Variants in USP48 observed in about 807,000 individuals in gnomAD.
USP48 encodes ubiquitin carboxyl-terminal hydrolase 48.
Under a neutral mutation model 150.7 loss-of-function variants are expected in USP48, and 43 were observed. The observed-to-expected ratio is 0.29, with a 90% CI of 0.22 to 0.37. The LOEUF is 0.37. Ranked by LOEUF, USP48 falls within the 10% of genes least tolerant of loss-of-function variation. USP48 has a pLI of 1.00. For synonymous variants in USP48, 396 were observed against 425.9 expected (o/e 0.93, Z 0.86); for missense variants, 813 against 1,249.6 (o/e 0.65, Z 5.27).
chr1:21,733,119 A>C (rs138112181), intron 9 of USP48, among the ~76,000 whole-genome samples: 63 of 152,264 alleles, frequency 4.1e-4, no homozygotes, highest in African/African-American at 1.5e-3. Context: ...TCCATTCCTA[A>C]TTAAGAGTAC....
intron 11 of USP48, among the ~76,000 whole-genome samples, chr1:21,725,523 G>A (rs747908230): frequency 1.3e-5 from 2 of 152,058 alleles, no homozygotes; most frequent in African/African-American, 2.4e-5. Flanking sequence ...AGGCCGAGGC[G>A]GGCAGATCAC....
intron 17 of USP48, 71 bp from the exon 18 acceptor site, chr1:21,706,258 ACTTT>A: frequency 6.4e-7 from 1 of 1,556,936 alleles, no homozygotes; most frequent in Non-Finnish European, 8.8e-7. Flanking sequence ...CTTATAATAT[ACTTT>A]GGTTGTCCTT....
chr1:21,712,630 T>C, intron 15 of USP48, among the ~76,000 whole-genome samples: 1 of 77,262 alleles, frequency 1.3e-5, no homozygotes, highest in Non-Finnish European at 3.9e-5. Context: ...AAACTATCCT[T>C]TTTTTTTTTT....
At chr1:21,720,912 A>C (rs2097718798) in intron 14 of USP48, 124 bp downstream of exon 14, 1 of 1,294,626 alleles carries the variant, frequency 7.7e-7, no homozygotes, top group African/African-American at 1.5e-5. Context: ...CGCTGGGCTC[A>C]AGTGATCTGC....
intron 11 of USP48, chr1:21,728,177 T>C (rs1349920922): frequency 7.0e-6 from 7 of 993,312 alleles, no homozygotes; most frequent in Non-Finnish European, 8.4e-6. Flanking sequence ...ATTCATATAA[T>C]AGAATGTCTG....
chr1:21,776,592 CAAAAAAAAAA>C (rs59309344), intron 1 of USP48, among the ~76,000 whole-genome samples: 1,176 of 58,064 alleles, frequency 0.02, 32 homozygotes, highest in African/African-American at 0.076. Flanking sequence ...TGTCTTGTCT[CAAAAAAAAAA>C]AAAAAAAAAA....
chr1:21,743,393 T>C (rs2097786570), intron 8 of USP48, among the ~76,000 whole-genome samples: 1 of 152,172 alleles, frequency 6.6e-6, no homozygotes, highest in Non-Finnish European at 1.5e-5. Flanking sequence ...GAACAAAGTA[T>C]GATAAGGTTG....
intron 8 of USP48, among the ~76,000 whole-genome samples, chr1:21,743,313 AAG>A (rs1422010404): frequency 2.0e-5 from 3 of 152,180 alleles, no homozygotes; most frequent in African/African-American, 4.8e-5. Flanking sequence ...TCAGAAACAC[AAG>A]AGTGTCCAAT....
rs377763454 is a variant in USP48, at chr1:21,685,538, C to T, written c.3058+1653G>A. The stretch of plus-strand genomic sequence containing the variant: ...CCATGTTGGCCAGGCTGGTCACAAA[C>T]TCCTGACTTCAACTGCTCCACTTGC... On this transcript the variant is annotated intron_variant, in intron 25 of 26. Coordinates refer to ENST00000308271, the MANE Select transcript of USP48 (RefSeq NM_032236.8). Among the ~76,000 whole-genome samples, 119 of 152,272 alleles carry T rather than the reference C, an allele frequency of 7.8e-4. 1 individual carries two copies. The highest frequency in any genetic ancestry group is 2.8e-3 in the African/African-American group (115 of 41,556).
At position 21,748,049 on chromosome 1, in the gene USP48, T is replaced by C. The variant is rs533640024; in HGVS notation, c.908+89A>G. On this transcript the variant is annotated intron_variant, in intron 7 of 26. Transcript: ENST00000308271. Reference sequence around the variant, plus strand: ...TCATCCTCAAATCTAGAGTTTCAAATTACAACCATTTTATCATCTCATCTA... The same window carrying C: ...TCATCCTCAAATCTAGAGTTTCAAACTACAACCATTTTATCATCTCATCTA... 2.3e-5 allele frequency: 30 copies of C among 1,311,522 alleles called. No individual in the cohort carries two copies. The South Asian group carries it at 7.1e-4, about 31-fold the overall frequency. The allele number at this position is 1,311,522 out of a possible 1,614,324, so 81.2% of individuals were successfully genotyped here. A position where few individuals can be genotyped will look rare whatever the true frequency, so the allele number is the denominator to read the frequency against.
intron 11 of USP48, among the ~76,000 whole-genome samples, chr1:21,726,054 T>C (rs559352556): frequency 1.2e-4 from 19 of 152,172 alleles, no homozygotes; most frequent in Non-Finnish European, 2.1e-4. Context: ...AGGATTGTGA[T>C]AAAGAGCAAC....
chr1:21,757,642 G>C, intron 2 of USP48, 21 bp downstream of exon 2: 1 of 1,599,674 alleles, frequency 6.3e-7, no homozygotes, highest in Non-Finnish European at 8.5e-7. Flanking sequence ...TATAGCAATC[G>C]CTTAAAAAAT....
chr1:21,719,793 G>GGAGGCAGAGGTTGCAGT (rs1285283814), intron 14 of USP48, among the ~76,000 whole-genome samples: 2 of 152,158 alleles, frequency 1.3e-5, no homozygotes, highest in African/African-American at 4.8e-5. Context: ...CTTGAACCCA[G>GGAGGCAGAGGTTGCAGT]GAGGCAGAGG....
At chr1:21,742,139 C>CT (rs1484377588) in intron 8 of USP48, among the ~76,000 whole-genome samples, 3 of 152,082 alleles carry the variant, frequency 2.0e-5, no homozygotes. Context: ...TTAGGGTTTA[C>CT]TTGGAATCAC....
chr1:21,770,373 G>A (rs2097875953), intron 1 of USP48, among the ~76,000 whole-genome samples: 1 of 151,750 alleles, frequency 6.6e-6, no homozygotes, highest in Non-Finnish European at 1.5e-5. Context: ...GTAACTGGTA[G>A]TAGAAAAATG....
intron 22 of USP48, among the ~76,000 whole-genome samples, chr1:21,698,857 T>C (rs1327245652): frequency 1.3e-5 from 2 of 151,814 alleles, no homozygotes; most frequent in Non-Finnish European, 2.9e-5. Flanking sequence ...ATGGCACCAC[T>C]GCACTCCAGC....
At chr1:21,724,349 C>A (rs2097730498) in intron 11 of USP48, 1 of 597,090 alleles carries the variant, frequency 1.7e-6, no homozygotes, top group Non-Finnish European at 3.0e-6. Flanking sequence ...GTATTATTAA[C>A]CACATTCTAC....
chr1:21,698,230 G>C (rs1026884342), intron 22 of USP48, among the ~76,000 whole-genome samples: 4 of 152,128 alleles, frequency 2.6e-5, no homozygotes, highest in African/African-American at 9.7e-5. Flanking sequence ...TTACACTTGA[G>C]ATTTTTTGTG....
chr1:21,741,718 T>C (rs2097782160), intron 8 of USP48, among the ~76,000 whole-genome samples: 1 of 152,194 alleles, frequency 6.6e-6, no homozygotes, highest in Non-Finnish European at 1.5e-5. Flanking sequence ...GGTTCACGCC[T>C]GTAATCCCAG....
Sources: gnomAD v4.1 joint callset for allele counts (sites outside exome capture counted in the v4.1 genomes callset) on GRCh38, gnomAD v4.1.1 for gene constraint, MANE v1.5 for transcripts, NCBI Gene and HGNC (gene_info 2026-07-23, HGNC 2026-07-21) for gene names.